Variants in PIR observed in about 807,000 individuals in gnomAD.
PIR encodes pirin, also known as pirin (iron-binding nuclear protein).
PIR carries 22 observed loss-of-function variants against 24.2 expected under a neutral mutation model. That is an observed-to-expected ratio of 0.91 (90% CI 0.65 to 1.30). PIR has a LOEUF of 1.30. PIR is among the 50% of genes most tolerant of loss of function. PIR has a pLI of 0.00. For synonymous variants in PIR, 80 were observed against 79.6 expected, an observed-to-expected ratio of 1.00 and a Z score of -0.03; for missense variants, 220 against 220.3, an observed-to-expected ratio of 1.00 and a Z score of 0.01.
intron 3 of PIR, among the ~76,000 whole-genome samples, chrX:15,475,898 G>A (rs1264760556): frequency 1.8e-5 from 2 of 112,049 alleles, no homozygotes; most frequent in East Asian, 5.6e-4. Context: ...CCTAGAGTAC[G>A]CCTTCTCAAT....
At chrX:15,411,954 A>G (rs1924756337) in intron 6 of PIR, among the ~76,000 whole-genome samples, 1 of 112,288 alleles carries the variant, frequency 8.9e-6, no homozygotes, top group Non-Finnish European at 1.9e-5. Flanking sequence ...CTATAAATAT[A>G]TGTCATTCTT....
Position 15,470,604 on chromosome X carries a change from T to C in PIR, c.189+9125A>G, listed in dbSNP as rs549699459. Reference sequence around the variant, plus strand: ...TCTTTCTTTCTTTCTTTCTTTCTTTTTTTTTTTTTTTTTTGAGACAGAGTT... The same window carrying C: ...TCTTTCTTTCTTTCTTTCTTTCTTTCTTTTTTTTTTTTTTGAGACAGAGTT... On this transcript the variant is annotated intron_variant, in intron 3 of 9. Transcript: ENST00000380420. Among the ~76,000 whole-genome samples the C allele has an allele frequency of 1.3e-3, 126 of 94,655 alleles. 1 individual carries two copies. The highest frequency in any genetic ancestry group is 1.8e-3 in the Non-Finnish European group (87 of 49,375). 82.2% of individuals were successfully genotyped at this position (94,655 alleles called of 115,157 possible). A position where few individuals can be genotyped will look rare whatever the true frequency, so the allele number is the denominator to read the frequency against.
intron 6 of PIR, among the ~76,000 whole-genome samples, chrX:15,411,316 T>A (rs747686995): frequency 1.2e-4 from 13 of 111,569 alleles, no homozygotes; most frequent in South Asian, 1.1e-3. Context: ...CCAAAACTTT[T>A]AAAAAATATG....
At chrX:15,441,297 C>T (rs1925907530) in intron 5 of PIR, among the ~76,000 whole-genome samples, 1 of 111,626 alleles carries the variant, frequency 9.0e-6, no homozygotes, top group African/African-American at 3.3e-5. Flanking sequence ...TTACTTTTGT[C>T]TTAGAAGTTT....
At chrX:15,396,755 T>G (rs1459579168) in intron 8 of PIR, among the ~76,000 whole-genome samples, 1 of 99,631 alleles carries the variant, frequency 1.0e-5, no homozygotes, top group Non-Finnish European at 2.1e-5. Context: ...TTTTTTTTTT[T>G]TTTTGAGACG....
intron 5 of PIR, among the ~76,000 whole-genome samples, chrX:15,452,297 AT>A (rs1920973762): frequency 8.9e-6 from 1 of 111,935 alleles, no homozygotes; most frequent in Admixed American, 9.5e-5. Context: ...TAAACATGTG[AT>A]TTTGACCTTC....
At chrX:15,416,655 C>T (rs1924929077) in intron 6 of PIR, among the ~76,000 whole-genome samples, 1 of 111,700 alleles carries the variant, frequency 9.0e-6, no homozygotes, top group African/African-American at 3.3e-5. Context: ...TGCGTCTAAC[C>T]AGTAGAATAT....
chrX:15,447,354 G>A (rs1311347029), intron 5 of PIR, among the ~76,000 whole-genome samples: 3 of 110,372 alleles, frequency 2.7e-5, no homozygotes, highest in African/African-American at 9.9e-5. Context: ...GTCGCCCAGG[G>A]CCCAGGCTGG....
intron 4 of PIR, 103 bp from the exon 5 acceptor site, chrX:15,456,157 G>T: frequency 1.5e-6 from 1 of 665,039 alleles, no homozygotes; most frequent in Non-Finnish European, 2.4e-6. Flanking sequence ...TCTTACCAGT[G>T]CTGCTATCAG....
At chrX:15,471,894 G>A (rs1361302244) in intron 3 of PIR, among the ~76,000 whole-genome samples, 2 of 112,338 alleles carry the variant, frequency 1.8e-5, no homozygotes, top group Non-Finnish European at 1.9e-5. Flanking sequence ...GTGTTGTGGA[G>A]GAGAAAGTTA....
At chrX:15,459,609 C>T in intron 4 of PIR, 48 bp downstream of exon 4, 1 of 763,237 alleles carries the variant, frequency 1.3e-6, no homozygotes, top group Non-Finnish European at 2.0e-6. Context: ...CAAGCACGTG[C>T]ACCCAAAAAC....
chrX:15,458,714 T>G (rs973840255), intron 4 of PIR, among the ~76,000 whole-genome samples: 4 of 112,664 alleles, frequency 3.6e-5, no homozygotes, highest in African/African-American at 9.7e-5. Flanking sequence ...AAAGACACTA[T>G]GCAATCATCA....
chrX:15,450,445 C>T (rs73451232), intron 5 of PIR, among the ~76,000 whole-genome samples: 3,872 of 110,483 alleles, frequency 0.035, 163 homozygotes, highest in African/African-American at 0.12. Flanking sequence ...AAAGTGTGCG[C>T]GTATATGTTA....
At chrX:15,416,614 T>C (rs1282587201) in intron 6 of PIR, among the ~76,000 whole-genome samples, 1 of 111,892 alleles carries the variant, frequency 8.9e-6, no homozygotes, top group African/African-American at 3.3e-5. Context: ...TATAATTCCC[T>C]CTCTCTGAGT....
chrX:15,480,619 A>G (rs1922452650), intron 2 of PIR, among the ~76,000 whole-genome samples: 1 of 111,958 alleles, frequency 8.9e-6, no homozygotes, highest in Non-Finnish European at 1.9e-5. Flanking sequence ...AAAACTCAGG[A>G]ATATGGCACT....
At chrX:15,391,203 T>A (rs1361604481) in intron 8 of PIR, among the ~76,000 whole-genome samples, 2 of 112,313 alleles carry the variant, frequency 1.8e-5, no homozygotes, top group Non-Finnish European at 3.8e-5. Context: ...CTTGTAAGTT[T>A]TGTAAATATC....
At chrX:15,431,648 A>G (rs1018400525) in intron 5 of PIR, among the ~76,000 whole-genome samples, 3 of 106,322 alleles carry the variant, frequency 2.8e-5, no homozygotes, top group Non-Finnish European at 3.9e-5. Context: ...TTGCTGAAAA[A>G]AGGTAAAAGT....
chrX:15,469,134 G>T (rs1171101092), intron 3 of PIR, among the ~76,000 whole-genome samples: 1 of 111,119 alleles, frequency 9.0e-6, no homozygotes, highest in African/African-American at 3.3e-5. Context: ...AATGGTGGGT[G>T]GGGGTGCCAA....
chrX:15,481,173 C>T (rs1922481297), intron 2 of PIR, among the ~76,000 whole-genome samples: 1 of 112,230 alleles, frequency 8.9e-6, no homozygotes, highest in African/African-American at 3.2e-5. Context: ...TTAGGTCATA[C>T]TGAATTTGAT....
Sources: gnomAD v4.1 joint callset for allele counts (sites outside exome capture counted in the v4.1 genomes callset) on GRCh38, gnomAD v4.1.1 for gene constraint, MANE v1.5 for transcripts, NCBI Gene and HGNC (gene_info 2026-07-23, HGNC 2026-07-21) for gene names.